FAM3B: variants seen among roughly 807,000 people sequenced by gnomAD.
The protein encoded by FAM3B is protein FAM3B.
Under a neutral mutation model 28.4 loss-of-function variants are expected in FAM3B, and 29 were observed. The observed-to-expected ratio is 1.02, with a 90% CI of 0.76 to 1.39. The LOEUF is 1.39. Ranked by LOEUF, FAM3B falls within the 40% of genes most tolerant of loss-of-function variation. The probability of loss-of-function intolerance (pLI) is 0.00; values close to 1 mark genes in which losing one functional copy is unlikely to be tolerated. For synonymous variants in FAM3B, 91 were observed against 103.0 expected (o/e 0.88, Z 0.71); for missense variants, 266 against 293.9 (o/e 0.91, Z 0.69).
intron 7 of FAM3B, among the ~76,000 whole-genome samples, chr21:41,353,225 A>G (rs80071083): frequency 6.6e-6 from 1 of 152,234 alleles, no homozygotes; most frequent in Admixed American, 6.5e-5. Context: ...TAAGATGTCA[A>G]TACTTTCTTA....
chr21:41,311,350 T>C (rs2088713147), intron 1 of FAM3B, among the ~76,000 whole-genome samples: 1 of 138,716 alleles, frequency 7.2e-6, no homozygotes, highest in Non-Finnish European at 1.5e-5. Flanking sequence ...TGATTCCAGC[T>C]ACTCAGGAGG....
At chr21:41,346,030 A>G in intron 5 of FAM3B, 1 of 268,238 alleles carries the variant, frequency 3.7e-6, no homozygotes, top group Non-Finnish European at 7.1e-6. Flanking sequence ...TTTAAAAAAA[A>G]AAAAAAGCCA....
intron 1 of FAM3B, among the ~76,000 whole-genome samples, chr21:41,305,898 G>T (rs73368366): frequency 3.9e-4 from 60 of 152,194 alleles, no homozygotes; most frequent in African/African-American, 1.4e-3. Flanking sequence ...ATTGACAAAA[G>T]GTTTCTCTGT....
At chr21:41,331,504 C>G (rs1421103842) in intron 2 of FAM3B, among the ~76,000 whole-genome samples, 3 of 152,118 alleles carry the variant, frequency 2.0e-5, no homozygotes, top group Non-Finnish European at 4.4e-5. Context: ...TTCCCCAAAT[C>G]ATTGCCCAAA....
At chr21:41,328,503 A>G (rs2088874814) in intron 2 of FAM3B, among the ~76,000 whole-genome samples, 1 of 150,606 alleles carries the variant, frequency 6.6e-6, no homozygotes, top group African/African-American at 2.4e-5. Flanking sequence ...AGACTGACCA[A>G]AAAAAAAAAC....
chr21:41,306,058 T>A (rs556461254), intron 1 of FAM3B, among the ~76,000 whole-genome samples: 5 of 152,358 alleles, frequency 3.3e-5, no homozygotes, highest in African/African-American at 1.2e-4. Flanking sequence ...GTTTACAGCA[T>A]CTTCACCAAG....
intron 1 of FAM3B, among the ~76,000 whole-genome samples, chr21:41,317,491 C>T (rs1568910614): frequency 6.6e-6 from 1 of 152,184 alleles, no homozygotes; most frequent in Non-Finnish European, 1.5e-5. Context: ...GTCTTAGCTG[C>T]GCCTCTGTCC....
chr21:41,348,863 T>C, intron 7 of FAM3B, 139 bp downstream of exon 7: 2 of 939,642 alleles, frequency 2.1e-6, no homozygotes, highest in South Asian at 3.3e-5. Flanking sequence ...CAGCATTAGA[T>C]CCGGACAGAA....
intron 7 of FAM3B, among the ~76,000 whole-genome samples, chr21:41,355,497 A>G (rs1041585622): frequency 2.6e-5 from 4 of 152,254 alleles, no homozygotes; most frequent in Non-Finnish European, 5.9e-5. Flanking sequence ...TCAAATACGT[A>G]AAGAAATAAA....
intron 2 of FAM3B, among the ~76,000 whole-genome samples, chr21:41,337,877 G>A (rs1315148483): frequency 6.6e-6 from 1 of 151,614 alleles, no homozygotes; most frequent in Non-Finnish European, 1.5e-5. Flanking sequence ...AGTGTGTTGA[G>A]CATGTGGTGT....
chr21:41,319,591 A>AG (rs2088782670), intron 1 of FAM3B: 5 of 152,324 alleles, frequency 3.3e-5, no homozygotes, highest in African/African-American at 4.8e-5. Flanking sequence ...TCTTAGTGGA[A>AG]GCCCTGGGCT....
intron 1 of FAM3B, among the ~76,000 whole-genome samples, chr21:41,309,909 C>G (rs2088700496): frequency 6.6e-6 from 1 of 152,194 alleles, no homozygotes; most frequent in South Asian, 2.1e-4. Flanking sequence ...GTGACTTTCC[C>G]TCTTTCAGGA....
intron 7 of FAM3B, among the ~76,000 whole-genome samples, chr21:41,354,354 G>C (rs920635107): frequency 1.3e-5 from 2 of 152,140 alleles, no homozygotes; most frequent in Admixed American, 6.5e-5. Context: ...AATAGAAATT[G>C]TTATATTATA....
chr21:41,352,453 AGGGAG>A (rs1044330184), intron 7 of FAM3B, among the ~76,000 whole-genome samples: 4 of 143,564 alleles, frequency 2.8e-5, no homozygotes, highest in Non-Finnish European at 4.6e-5. Flanking sequence ...GAAAAAGGGA[AGGGAG>A]GGGAGGGGAG....
At chr21:41,309,048 G>C (rs1004418603) in intron 1 of FAM3B, among the ~76,000 whole-genome samples, 1 of 152,180 alleles carries the variant, frequency 6.6e-6, no homozygotes, top group Non-Finnish European at 1.5e-5. Flanking sequence ...CTCAACTTAA[G>C]AGACCGAGGC....
chr21:41,327,593 G>A (rs1012400727), intron 2 of FAM3B, among the ~76,000 whole-genome samples: 1 of 152,168 alleles, frequency 6.6e-6, no homozygotes, highest in African/African-American at 2.4e-5. Context: ...GGAACATGTT[G>A]TTAAATGTCT....
chr21:41,304,330 G>T (rs1446896953), intron 1 of FAM3B: 1 of 455,924 alleles, frequency 2.2e-6, no homozygotes, highest in Non-Finnish European at 4.4e-6. Flanking sequence ...CGCGGGGCTG[G>T]CGTGGGGAGG....
Position 41,348,572 on chromosome 21 carries a change from C to T in FAM3B, c.486-20C>T. On this transcript the variant is annotated intron_variant, in intron 6 of 7. Transcript: ENST00000357985. ...CACGTCTCCCTGAGATGCTCACATG[C>T]TTTTCCCTTTGTCCTGCAGACTGAA... is the stretch of plus-strand genomic sequence containing the variant. The T allele has an allele frequency of 6.2e-7, 1 of 1,614,090 alleles. No individual in the cohort carries two copies. The highest frequency in any genetic ancestry group is 1.3e-5 in the African/African-American group (1 of 75,046).
chr21:41,348,778 T>C, intron 7 of FAM3B, 54 bp downstream of exon 7: 1 of 1,606,376 alleles, frequency 6.2e-7, no homozygotes, highest in Non-Finnish European at 8.5e-7. Context: ...GTAAATGCTG[T>C]GCCTTGAAAA....
Sources: gnomAD v4.1 joint callset for allele counts (sites outside exome capture counted in the v4.1 genomes callset) on GRCh38, gnomAD v4.1.1 for gene constraint, MANE v1.5 for transcripts, NCBI Gene and HGNC (gene_info 2026-07-23, HGNC 2026-07-21) for gene names.